Variants in IFT43 observed in about 807,000 individuals in gnomAD.
IFT43 encodes the protein intraflagellar transport 43, also known as intraflagellar transport protein 43 homolog.
IFT43 carries 33 observed loss-of-function variants against 32.3 expected under a neutral mutation model. The observed-to-expected ratio is 1.02, with a 90% CI of 0.77 to 1.37. IFT43 has a LOEUF of 1.37. Ranked by LOEUF, IFT43 falls within the 40% of genes most tolerant of loss-of-function variation. The pLI, the probability that IFT43 is intolerant of heterozygous loss-of-function variation, is 0.00. For synonymous variants in IFT43, 93 were observed against 98.2 expected, an observed-to-expected ratio of 0.95 and a Z score of 0.31; for missense variants, 274 against 265.9, an observed-to-expected ratio of 1.03 and a Z score of -0.21.
chr14:76,045,157 A>G (rs537706440), intron 3 of IFT43, among the ~76,000 whole-genome samples: 3 of 152,284 alleles, frequency 2.0e-5, no homozygotes, highest in Non-Finnish European at 2.9e-5. Flanking sequence ...CACTCTTCTT[A>G]AGGGCTCACT....
At chr14:76,020,648 G>T (rs940757827) in intron 2 of IFT43, among the ~76,000 whole-genome samples, 2 of 152,156 alleles carry the variant, frequency 1.3e-5, no homozygotes, top group East Asian at 3.9e-4. Context: ...GTATCTATGG[G>T]TTCTTTAGTG....
At chr14:76,007,710 A>T (rs2036005970) in intron 2 of IFT43, among the ~76,000 whole-genome samples, 1 of 152,222 alleles carries the variant, frequency 6.6e-6, no homozygotes, top group Non-Finnish European at 1.5e-5. Flanking sequence ...AGAAATGTAT[A>T]GGTTTTGGTT....
chr14:76,017,373 C>A (rs1274679349), intron 2 of IFT43, among the ~76,000 whole-genome samples: 1 of 152,100 alleles, frequency 6.6e-6, no homozygotes, highest in East Asian at 1.9e-4. Context: ...TTGTGTTGAA[C>A]CCTCCTTGCA....
intron 3 of IFT43, among the ~76,000 whole-genome samples, chr14:76,034,113 A>C (rs2036556104): frequency 6.6e-6 from 1 of 152,228 alleles, no homozygotes. Context: ...TGATAATAAC[A>C]ATGGCATTGT....
intron 2 of IFT43, among the ~76,000 whole-genome samples, chr14:76,021,618 T>C (rs1342924733): frequency 3.3e-5 from 5 of 152,242 alleles, no homozygotes; most frequent in African/African-American, 7.2e-5. Context: ...TTTTCATGTG[T>C]ATTTTACCAT....
intron 2 of IFT43, among the ~76,000 whole-genome samples, chr14:76,010,307 G>C (rs1210447947): frequency 6.6e-6 from 1 of 152,154 alleles, no homozygotes. Flanking sequence ...CCAACCATTA[G>C]GTGGAGAATG....
intron 3 of IFT43, among the ~76,000 whole-genome samples, chr14:76,041,360 C>T (rs941841271): frequency 6.6e-6 from 1 of 152,146 alleles, no homozygotes; most frequent in African/African-American, 2.4e-5. Flanking sequence ...CAGCCAAAAG[C>T]ACAGCCACCT....
chr14:76,062,577 G>GT (rs1205135321), intron 5 of IFT43, among the ~76,000 whole-genome samples: 28 of 151,970 alleles, frequency 1.8e-4, no homozygotes, highest in Admixed American at 3.9e-4. Flanking sequence ...TTGAGTCAAG[G>GT]ACCACATTGA....
intron 3 of IFT43, among the ~76,000 whole-genome samples, chr14:76,025,724 G>A (rs2036379427): frequency 6.6e-6 from 1 of 152,224 alleles, no homozygotes; most frequent in Admixed American, 6.5e-5. Flanking sequence ...AATAAATGGT[G>A]TTGAGATAAC....
At chr14:76,019,552 T>A (rs967674829) in intron 2 of IFT43, among the ~76,000 whole-genome samples, 14 of 152,172 alleles carry the variant, frequency 9.2e-5, no homozygotes, top group Admixed American at 8.5e-4. Context: ...TTGGAGAAGA[T>A]CTTTTTGAGG....
intron 5 of IFT43, among the ~76,000 whole-genome samples, chr14:76,071,605 C>T (rs1288180584): frequency 1.3e-5 from 2 of 152,302 alleles, no homozygotes; most frequent in African/African-American, 4.8e-5. Context: ...GCAGCACCAT[C>T]ACACGGTCTT....
intron 1 of IFT43, among the ~76,000 whole-genome samples, chr14:75,988,664 G>A (rs964929458): frequency 3.5e-4 from 53 of 151,918 alleles, no homozygotes; most frequent in Non-Finnish European, 1.6e-4. Context: ...GACTACAGGC[G>A]CCCGCCACAA....
intron 5 of IFT43, among the ~76,000 whole-genome samples, chr14:76,080,476 AC>A (rs1186945208): frequency 6.6e-6 from 1 of 152,136 alleles, no homozygotes; most frequent in Non-Finnish European, 1.5e-5. Flanking sequence ...AGTTGACAGG[AC>A]CCAAATGCTA....
intron 3 of IFT43, among the ~76,000 whole-genome samples, chr14:76,035,296 C>G (rs1283127238): frequency 1.3e-5 from 2 of 152,176 alleles, no homozygotes; most frequent in African/African-American, 4.8e-5. Flanking sequence ...ATCTCACTCT[C>G]CTCACATAAA....
At chr14:75,986,023 C>G in intron 1 of IFT43, 183 bp downstream of exon 1, 2 of 1,526,242 alleles carry the variant, frequency 1.3e-6, no homozygotes, top group Non-Finnish European at 1.8e-6. Context: ...CCGCTGCTGG[C>G]CTGGGGTTTG....
At chr14:76,050,780 C>T (rs1198778160) in intron 3 of IFT43, among the ~76,000 whole-genome samples, 2 of 152,116 alleles carry the variant, frequency 1.3e-5, no homozygotes, top group Non-Finnish European at 2.9e-5. Flanking sequence ...ATTAGTGATC[C>T]AGTAATGGTT....
intron 3 of IFT43, among the ~76,000 whole-genome samples, chr14:76,052,587 T>A (rs1308698116): frequency 6.6e-6 from 1 of 152,208 alleles, no homozygotes; most frequent in South Asian, 2.1e-4. Flanking sequence ...CATGGTCCCA[T>A]GTGGCTGAAG....
At chr14:76,027,480 C>A (rs1048933966) in intron 3 of IFT43, among the ~76,000 whole-genome samples, 1 of 152,050 alleles carries the variant, frequency 6.6e-6, no homozygotes, top group African/African-American at 2.4e-5. Context: ...GAGGCCGAGG[C>A]GGGTGGATCA....
chr14:76,029,579 T>C (rs545018601), intron 3 of IFT43, among the ~76,000 whole-genome samples: 7 of 152,298 alleles, frequency 4.6e-5, no homozygotes, highest in African/African-American at 1.4e-4. Context: ...TCTTCTAGGA[T>C]TTTTATAGTT....
Sources: gnomAD v4.1 joint callset for allele counts (sites outside exome capture counted in the v4.1 genomes callset) on GRCh38, gnomAD v4.1.1 for gene constraint, MANE v1.5 for transcripts, NCBI Gene and HGNC (gene_info 2026-07-23, HGNC 2026-07-21) for gene names.